The following SENP7 variants were observed in gnomAD, a reference collection of about 807,000 sequenced individuals.
SENP7 encodes the protein sentrin-specific protease 7.
A neutral mutation model predicts 141.2 loss-of-function variants in SENP7; 64 were observed. The observed-to-expected ratio is 0.45, with a 90% CI of 0.37 to 0.56. The LOEUF is 0.56. Ranked by LOEUF, SENP7 falls within the 20% of genes least tolerant of loss-of-function variation. The probability of loss-of-function intolerance (pLI) is 0.00; values close to 1 mark genes in which losing one functional copy is unlikely to be tolerated. For synonymous variants in SENP7, 382 were observed against 426.4 expected (o/e 0.90, Z 1.28); for missense variants, 1,025 against 1,212.2 (o/e 0.85, Z 2.29).
Position 101,487,366 on chromosome 3 carries a change from T to A in SENP7, c.186+6507A>T, listed in dbSNP as rs186966322. Among the ~76,000 whole-genome samples the A allele has an allele frequency of 2.9e-4, 44 of 152,366 alleles. No homozygotes were observed. In the East Asian group the frequency reaches 7.5e-3, roughly 26 times the overall value. On this transcript the variant is annotated intron_variant, in intron 3 of 23. Transcript: ENST00000394095. ...ATTTAAGTTCCTTACAGAATCTGGA[T>A]ATTAGACCTTTGTCAGAGACAATAG...
chr3:101,401,581 AAAT>A (rs1426113599), intron 5 of SENP7, among the ~76,000 whole-genome samples: 1 of 152,132 alleles, frequency 6.6e-6, no homozygotes, highest in Non-Finnish European at 1.5e-5. Context: ...ATGAACACAC[AAAT>A]AATAAGAAAG....
At chr3:101,409,765 C>A (rs2107623046) in intron 5 of SENP7, among the ~76,000 whole-genome samples, 1 of 152,316 alleles carries the variant, frequency 6.6e-6, no homozygotes, top group Non-Finnish European at 1.5e-5. Context: ...CCTCATCTCT[C>A]ACCTTGTACA....
intron 3 of SENP7, among the ~76,000 whole-genome samples, chr3:101,467,417 G>A (rs965918940): frequency 6.6e-6 from 1 of 152,262 alleles, no homozygotes; most frequent in Non-Finnish European, 1.5e-5. Flanking sequence ...CTAACTGGGA[G>A]ACGCCTCCCA....
chr3:101,386,474 G>A (rs1373380281), intron 6 of SENP7, among the ~76,000 whole-genome samples: 1 of 152,146 alleles, frequency 6.6e-6, no homozygotes, highest in Non-Finnish European at 1.5e-5. Flanking sequence ...TCAAGCAGCT[G>A]CAACGCAGTA....
chr3:101,422,115 C>T lies in SENP7; in HGVS notation c.285-4325G>A, dbSNP rs995218009. ...GTCAGATCAGCAGCAGCATTAGATT[C>T]GCATAGGAGCACGAACCCTATTGTG... On this transcript the variant is annotated intron_variant, in intron 4 of 23. Transcript: ENST00000394095. Among the ~76,000 whole-genome samples, 10 of 152,234 alleles carry T rather than the reference C, an allele frequency of 6.6e-5. No homozygotes were observed. The East Asian group carries it at 9.7e-4, about 15-fold the overall frequency.
chr3:101,382,254 G>A (rs1200157851), intron 6 of SENP7, among the ~76,000 whole-genome samples: 1 of 152,054 alleles, frequency 6.6e-6, no homozygotes, highest in Non-Finnish European at 1.5e-5. Context: ...ATCGCTCATT[G>A]TAACCTCTAA....
At chr3:101,480,417 G>A (rs1465640930) in intron 3 of SENP7, among the ~76,000 whole-genome samples, 1 of 151,996 alleles carries the variant, frequency 6.6e-6, no homozygotes, top group East Asian at 1.9e-4. Context: ...ACATACACTG[G>A]GTAAGGAACA....
At chr3:101,380,738 T>C (rs967464823) in intron 6 of SENP7, among the ~76,000 whole-genome samples, 1 of 151,646 alleles carries the variant, frequency 6.6e-6, no homozygotes, top group Non-Finnish European at 1.5e-5. Flanking sequence ...CTATGCCTTA[T>C]AGTTAAAAAT....
chr3:101,500,649 C>A (rs150060736), intron 2 of SENP7, among the ~76,000 whole-genome samples: 1 of 151,952 alleles, frequency 6.6e-6, no homozygotes, highest in Non-Finnish European at 1.5e-5. Context: ...TCTTGGCTTA[C>A]GTAGAAGAAA....
chr3:101,442,978 CT>C (rs541786289), intron 4 of SENP7, among the ~76,000 whole-genome samples: 125 of 152,298 alleles, frequency 8.2e-4, no homozygotes, highest in Middle Eastern at 3.4e-3. Context: ...AAAATAATAG[CT>C]TTGGTTGCCA....
intron 4 of SENP7, chr3:101,457,461 A>T: frequency 6.2e-7 from 1 of 1,605,538 alleles, no homozygotes; most frequent in Non-Finnish European, 8.5e-7. Flanking sequence ...ATGGCCTGTA[A>T]TGGTGAAAGT....
At chr3:101,481,926 T>A (rs1354255952) in intron 3 of SENP7, among the ~76,000 whole-genome samples, 2 of 152,150 alleles carry the variant, frequency 1.3e-5, no homozygotes, top group African/African-American at 2.4e-5. Context: ...ACAAGATTAA[T>A]ATACAAAAGT....
chr3:101,374,593 C>CCCCA (rs1196082412), intron 6 of SENP7, among the ~76,000 whole-genome samples: 7 of 125,512 alleles, frequency 5.6e-5, no homozygotes, highest in South Asian at 2.7e-4. Context: ...TGGGGTTTCA[C>CCCCA]CCCACCCACA....
intron 3 of SENP7, among the ~76,000 whole-genome samples, chr3:101,469,771 C>T (rs2063908609): frequency 1.0e-5 from 1 of 97,354 alleles, no homozygotes; most frequent in Non-Finnish European, 2.1e-5. Context: ...TTGCAGTGAG[C>T]CGAGATTGCG....
At position 101,347,926 on chromosome 3, in the gene SENP7, C is replaced by T. The variant is rs778943035; in HGVS notation, c.1783G>A (p.Asp595Asn). The change falls in exon 13 of 24, where the codon GAT (aspartate) becomes AAT (asparagine). Residue 595 changes from aspartate (D) to asparagine (N), a missense_variant. Physicochemically the swap from Asp to Asn is conservative, Grantham distance 23. Transcript: ENST00000394095. The part of the protein sequence containing the change: ...HAILFFWVSS[D>N]YLQEIQTQLE... ...TGGGTCTGAATCTCTTGAAGATAATCTGAAGAGACCCAGAAGAAAAGAATA... is the reference window on the plus strand; with the variant it reads ...TGGGTCTGAATCTCTTGAAGATAATTTGAAGAGACCCAGAAGAAAAGAATA... 1.4e-5 allele frequency: 23 copies of T among 1,606,912 alleles called. No individual in the cohort carries two copies. In the Admixed American group the frequency reaches 1.5e-4, roughly 11 times the overall value.
At chr3:101,410,845 AAAAATAAAATAAAAT>A (rs139753697) in intron 5 of SENP7, among the ~76,000 whole-genome samples, 11 of 126,176 alleles carry the variant, frequency 8.7e-5, no homozygotes, top group Non-Finnish European at 1.1e-4. Flanking sequence ...ATTCTGTCTC[AAAAATAAAATAAAAT>A]AAAATAAAAT....
Position 101,416,781 on chromosome 3 carries a change from T to C in SENP7, c.482+812A>G, listed in dbSNP as rs140656044. Among the ~76,000 whole-genome samples, 551 of 152,328 alleles carry C rather than the reference T, an allele frequency of 3.6e-3. 5 individuals are homozygous for C. Among genetic ancestry groups the C allele is most frequent in the African/African-American group, 0.013 (529 of 41,578 alleles). On this transcript the variant is annotated intron_variant, in intron 5 of 23. Coordinates refer to ENST00000394095, the MANE Select transcript of SENP7 (RefSeq NM_020654.5). ...ATTTTAAAAATAACTGTGTTGAAAGTTAGCAGTTTTTATCTGGGTCTTGGT... is the reference window on the plus strand; with the variant it reads ...ATTTTAAAAATAACTGTGTTGAAAGCTAGCAGTTTTTATCTGGGTCTTGGT...
chr3:101,447,100 T>C (rs1246409583), intron 4 of SENP7, among the ~76,000 whole-genome samples: 3 of 152,152 alleles, frequency 2.0e-5, no homozygotes, highest in East Asian at 3.9e-4. Flanking sequence ...GACACTACTA[T>C]TAATATCAAC....
At chr3:101,328,714 C>CTAT in intron 20 of SENP7, 25 bp from the exon 21 acceptor site, 1 of 1,564,482 alleles carries the variant, frequency 6.4e-7, no homozygotes, top group Non-Finnish European at 8.8e-7. Context: ...ATTTTTATGA[C>CTAT]TGCAATTAAA....
Sources: allele counts gnomAD v4.1 joint callset (sites outside exome capture counted in the v4.1 genomes callset), GRCh38; gene constraint gnomAD v4.1.1; transcripts MANE v1.5; gene names NCBI Gene and HGNC (gene_info 2026-07-23, HGNC 2026-07-21).